CLSTN2: variants seen among roughly 807,000 people sequenced by gnomAD.
CLSTN2 encodes calsyntenin 2, also known as calsyntenin-2.
In CLSTN2, 48 loss-of-function variants were observed where a neutral mutation model predicts 101.2. The observed-to-expected ratio is 0.47, with a 90% CI of 0.38 to 0.60. The LOEUF (loss-of-function observed/expected upper bound fraction) is 0.60. Ranked by LOEUF, CLSTN2 falls within the 20% of genes least tolerant of loss-of-function variation. The pLI, the probability that CLSTN2 is intolerant of heterozygous loss-of-function variation, is 0.00. For synonymous variants in CLSTN2, 481 were observed against 463.6 expected, an observed-to-expected ratio of 1.04 and a Z score of -0.48; for missense variants, 1,160 against 1,238.2, an observed-to-expected ratio of 0.94 and a Z score of 0.95.
At chr3:140,562,100 C>A (rs995590731) in intron 12 of CLSTN2, 38 bp from the exon 13 acceptor site, 51 of 1,597,862 alleles carry the variant, frequency 3.2e-5, no homozygotes, top group Non-Finnish European at 4.1e-5. Flanking sequence ...TCTGAGCTGT[C>A]CTTCATGCCT....
chr3:140,473,746 T>G (rs1440974432), intron 8 of CLSTN2, among the ~76,000 whole-genome samples: 2 of 92,574 alleles, frequency 2.2e-5, no homozygotes, highest in African/African-American at 7.6e-5. Context: ...TTTTTTGTGT[T>G]TTTTTTTTGT....
intron 5 of CLSTN2, among the ~76,000 whole-genome samples, chr3:140,444,109 T>C (rs893635565): frequency 2.6e-5 from 4 of 152,176 alleles, no homozygotes; most frequent in African/African-American, 7.2e-5. Context: ...AAAATTATAG[T>C]TGTCTCAGTT....
intron 1 of CLSTN2, among the ~76,000 whole-genome samples, chr3:140,014,968 A>C (rs1295068008): frequency 1.3e-5 from 2 of 152,226 alleles, no homozygotes; most frequent in Non-Finnish European, 2.9e-5. Context: ...AGCCTGCTGC[A>C]GTTTCACAGA....
At chr3:140,524,367 G>A (rs1042700280) in intron 8 of CLSTN2, among the ~76,000 whole-genome samples, 2 of 152,208 alleles carry the variant, frequency 1.3e-5, no homozygotes, top group African/African-American at 4.8e-5. Flanking sequence ...CATTGGTTAC[G>A]TGTGAAGTGA....
intron 1 of CLSTN2, among the ~76,000 whole-genome samples, chr3:140,079,335 C>A (rs547331053): frequency 4.1e-4 from 62 of 152,248 alleles, no homozygotes; most frequent in African/African-American, 1.5e-3. Flanking sequence ...ATATTAATAT[C>A]AATTTTCAGG....
At position 140,427,056 on chromosome 3, in the gene CLSTN2, A is replaced by G. The variant is rs1047114765; in HGVS notation, c.787+5782A>G. Among the ~76,000 whole-genome samples the G allele has an allele frequency of 1.7e-4, 25 of 144,120 alleles. 2 individuals are homozygous for G. Among genetic ancestry groups the G allele is most frequent in the African/African-American group, 6.4e-4 (22 of 34,496 alleles). The allele number at this position is 144,120 out of a possible 152,430, so 94.5% of individuals were successfully genotyped here. A position where few individuals can be genotyped will look rare whatever the true frequency, so the allele number is the denominator to read the frequency against. On this transcript the variant is annotated intron_variant, in intron 5 of 16. Coordinates refer to ENST00000458420, the MANE Select transcript of CLSTN2 (RefSeq NM_022131.3). The stretch of plus-strand genomic sequence containing the variant: ...CCAGGCATGGTGGTGCATGCCTGCA[A>G]TCCCAGCTACTTGGGAGGCTGATGC...
chr3:140,421,560 C>CA (rs11430184), intron 5 of CLSTN2, among the ~76,000 whole-genome samples: 88,858 of 151,914 alleles, frequency 0.58, 28,473 homozygotes, highest in African/African-American at 0.86. Context: ...TATCTCACAG[C>CA]ATGTAGGAGA....
At chr3:140,061,074 A>T (rs2008196495) in intron 1 of CLSTN2, among the ~76,000 whole-genome samples, 1 of 152,200 alleles carries the variant, frequency 6.6e-6, no homozygotes, top group African/African-American at 2.4e-5. Context: ...CCAGAAAGCA[A>T]GATTCCTCGA....
intron 1 of CLSTN2, among the ~76,000 whole-genome samples, chr3:140,158,684 T>C (rs1354967845): frequency 6.6e-6 from 1 of 152,064 alleles, no homozygotes; most frequent in Non-Finnish European, 1.5e-5. Context: ...AAAAAAAGAC[T>C]CTAAAATTTA....
intron 1 of CLSTN2, among the ~76,000 whole-genome samples, chr3:140,099,287 C>T (rs911529333): frequency 6.6e-6 from 1 of 152,226 alleles, no homozygotes; most frequent in Non-Finnish European, 1.5e-5. Context: ...AGGACTGGGT[C>T]CCCGGAAGGC....
At chr3:140,241,812 CATAT>C (rs1322910860) in intron 2 of CLSTN2, among the ~76,000 whole-genome samples, 1 of 137,704 alleles carries the variant, frequency 7.3e-6, no homozygotes, top group Non-Finnish European at 1.6e-5. Flanking sequence ...TATATATACA[CATAT>C]ATATATATAC....
intron 5 of CLSTN2, among the ~76,000 whole-genome samples, chr3:140,425,285 C>T (rs934138852): frequency 7.2e-5 from 11 of 152,184 alleles, no homozygotes; most frequent in Non-Finnish European, 2.9e-5. Context: ...TTCCTTCCTT[C>T]GCAGGGCCCA....
At chr3:140,179,335 T>C (rs1464728499) in intron 2 of CLSTN2, among the ~76,000 whole-genome samples, 1 of 150,750 alleles carries the variant, frequency 6.6e-6, no homozygotes, top group African/African-American at 2.4e-5. Context: ...TCAAAAATTG[T>C]GATCATGCTG....
Position 140,162,531 on chromosome 3 carries a change from T to C in CLSTN2, c.110-13420T>C, listed in dbSNP as rs547624747. On this transcript the variant is annotated intron_variant, in intron 1 of 16. Transcript: ENST00000458420. ...AGGAATGCAGACATGTGGATGCAAATAAAAGCAAATTCTCTGATAGACTGA... is the reference window on the plus strand; with the variant it reads ...AGGAATGCAGACATGTGGATGCAAACAAAAGCAAATTCTCTGATAGACTGA... 9.2e-5 allele frequency among the ~76,000 whole-genome samples: 14 copies of C among 152,172 alleles called. No homozygotes were observed. The South Asian group carries it at 2.9e-3, about 32-fold the overall frequency.
At chr3:140,305,304 G>A (rs1316497979) in intron 2 of CLSTN2, among the ~76,000 whole-genome samples, 2 of 152,052 alleles carry the variant, frequency 1.3e-5, no homozygotes, top group Non-Finnish European at 2.9e-5. Flanking sequence ...AGCAAAATTA[G>A]AAATCACATC....
intron 1 of CLSTN2, among the ~76,000 whole-genome samples, chr3:140,103,743 G>T (rs1354742099): frequency 6.6e-6 from 1 of 152,108 alleles, no homozygotes. Context: ...TTGAAGTCTG[G>T]GAGAATCACA....
intron 2 of CLSTN2, among the ~76,000 whole-genome samples, chr3:140,217,911 T>C (rs1031963084): frequency 6.6e-6 from 1 of 152,240 alleles, no homozygotes; most frequent in African/African-American, 2.4e-5. Context: ...TTCCTTCAGC[T>C]CAGAAGCACA....
At chr3:140,358,895 G>T (rs1201747985) in intron 2 of CLSTN2, among the ~76,000 whole-genome samples, 1 of 152,062 alleles carries the variant, frequency 6.6e-6, no homozygotes, top group Non-Finnish European at 1.5e-5. Context: ...CCCTGCATGG[G>T]TACACACCAA....
intron 1 of CLSTN2, among the ~76,000 whole-genome samples, chr3:140,037,988 A>G (rs1178528702): frequency 1.3e-5 from 2 of 152,192 alleles, no homozygotes; most frequent in Non-Finnish European, 2.9e-5. Context: ...GGAATTGTGA[A>G]TAGTGCTGCA....
Sources: allele counts gnomAD v4.1 joint callset (sites outside exome capture counted in the v4.1 genomes callset), GRCh38; gene constraint gnomAD v4.1.1; transcripts MANE v1.5; gene names NCBI Gene and HGNC (gene_info 2026-07-23, HGNC 2026-07-21).